Variants in SGCZ observed in about 807,000 individuals in gnomAD.
SGCZ encodes the protein zeta-sarcoglycan.
A neutral mutation model predicts 41.3 loss-of-function variants in SGCZ; 40 were observed. The observed-to-expected ratio is 0.97, with a 90% confidence interval of 0.75 to 1.26. The LOEUF (loss-of-function observed/expected upper bound fraction) is 1.26, where lower values mean the gene tolerates loss of function less well. Among genes scored for constraint, SGCZ ranks in the 50% most tolerant of loss-of-function variants. The pLI, the probability that SGCZ is intolerant of heterozygous loss-of-function variation, is 0.00. For synonymous variants in SGCZ, 206 were observed against 137.5 expected, an observed-to-expected ratio of 1.50 and a Z score of -3.49; for missense variants, 552 against 369.8, an observed-to-expected ratio of 1.49 and a Z score of -4.04.
intron 3 of SGCZ, among the ~76,000 whole-genome samples, chr8:14,298,833 G>T (rs957927403): frequency 6.6e-6 from 1 of 151,904 alleles, no homozygotes; most frequent in African/African-American, 2.4e-5. Flanking sequence ...GTGTGATTCT[G>T]CAGAAATCAA....
chr8:15,013,389 T>C (rs1802909688), intron 1 of SGCZ, among the ~76,000 whole-genome samples: 1 of 152,200 alleles, frequency 6.6e-6, no homozygotes, highest in Non-Finnish European at 1.5e-5. Context: ...TCCCATGAAT[T>C]GAAGTGGGGT....
chr8:14,173,130 C>A (rs1201973973), intron 4 of SGCZ, among the ~76,000 whole-genome samples: 1 of 151,658 alleles, frequency 6.6e-6, no homozygotes, highest in Non-Finnish European at 1.5e-5. Flanking sequence ...TGAACAGGAG[C>A]AAGCTGATAT....
At chr8:15,227,233 C>G (rs80218229) in intron 1 of SGCZ, among the ~76,000 whole-genome samples, 267 of 152,220 alleles carry the variant, frequency 1.8e-3, no homozygotes, top group African/African-American at 5.6e-3. Context: ...ATACCATAGA[C>G]AAAATCCCAT....
chr8:14,480,495 C>T (rs762989264), intron 2 of SGCZ, among the ~76,000 whole-genome samples: 49 of 152,142 alleles, frequency 3.2e-4, no homozygotes, highest in Non-Finnish European at 6.3e-4. Context: ...ACCAACAGTA[C>T]TTAAATCCAC....
chr8:14,359,207 G>A (rs530344317), intron 2 of SGCZ, among the ~76,000 whole-genome samples: 3 of 152,102 alleles, frequency 2.0e-5, no homozygotes, highest in South Asian at 4.2e-4. Flanking sequence ...AAAAGTCAAG[G>A]ATAAAGAAAG....
chr8:15,100,565 AC>A (rs1426990858), intron 1 of SGCZ, among the ~76,000 whole-genome samples: 4 of 152,174 alleles, frequency 2.6e-5, no homozygotes, highest in Non-Finnish European at 4.4e-5. Flanking sequence ...CCATGAAATC[AC>A]CAGTGGATTA....
intron 5 of SGCZ, among the ~76,000 whole-genome samples, chr8:14,160,018 G>A (rs1372011559): frequency 6.6e-6 from 1 of 152,166 alleles, no homozygotes; most frequent in African/African-American, 2.4e-5. Context: ...AGGACTGATA[G>A]TCTTGGCTTT....
rs567758247 is a variant in SGCZ, at chr8:15,225,479, C to T, written c.39+12106G>A. Among the ~76,000 whole-genome samples, 125 of 152,084 alleles carry T rather than the reference C, an allele frequency of 8.2e-4. 1 individual carries two copies. The Middle Eastern group carries it at 0.027, about 33-fold the overall frequency. ...TAGTCGTTCATTGAAGTTATGGTAC[C>T]GTGTTTGAGTGTGTGTATCTGTATG... is the stretch of plus-strand genomic sequence containing the variant. On this transcript the variant is annotated intron_variant, in intron 1 of 7. Transcript: ENST00000382080.
chr8:14,607,596 A>G (rs533622244), intron 1 of SGCZ, among the ~76,000 whole-genome samples: 1 of 152,296 alleles, frequency 6.6e-6, no homozygotes, highest in South Asian at 2.1e-4. Context: ...CAAATTGACA[A>G]CAATTTCAAT....
At chr8:14,570,804 AAGC>A (rs1288192206) in intron 1 of SGCZ, among the ~76,000 whole-genome samples, 1 of 152,180 alleles carries the variant, frequency 6.6e-6, no homozygotes, top group Non-Finnish European at 1.5e-5. Context: ...TTATTTCCAT[AAGC>A]TTTTAAAGAG....
At chr8:14,099,371 T>C (rs1207304526) in intron 7 of SGCZ, among the ~76,000 whole-genome samples, 3 of 152,188 alleles carry the variant, frequency 2.0e-5, no homozygotes, top group Non-Finnish European at 4.4e-5. Context: ...GTCTTTCCTC[T>C]ACCAAGAATT....
chr8:14,758,419 G>T (rs555508358), intron 1 of SGCZ, among the ~76,000 whole-genome samples: 2 of 151,498 alleles, frequency 1.3e-5, no homozygotes, highest in African/African-American at 4.8e-5. Flanking sequence ...TAATTTCATC[G>T]TTCTTCCCTC....
chr8:15,225,144 C>T (rs977268399), intron 1 of SGCZ, among the ~76,000 whole-genome samples: 2 of 152,218 alleles, frequency 1.3e-5, no homozygotes, highest in African/African-American at 4.8e-5. Flanking sequence ...ACACTCTTTT[C>T]AAGGAAACTC....
intron 1 of SGCZ, among the ~76,000 whole-genome samples, chr8:15,058,415 G>A (rs1295453788): frequency 4.6e-5 from 7 of 152,120 alleles, no homozygotes; most frequent in Admixed American, 2.0e-4. Context: ...ATCTTTTGTC[G>A]GTCAAACCAA....
At chr8:15,129,952 A>G (rs1198669990) in intron 1 of SGCZ, among the ~76,000 whole-genome samples, 1 of 152,070 alleles carries the variant, frequency 6.6e-6, no homozygotes, top group Non-Finnish European at 1.5e-5. Flanking sequence ...ATACATATGT[A>G]TATATTTAGT....
At chr8:14,615,372 G>T (rs1585127133) in intron 1 of SGCZ, among the ~76,000 whole-genome samples, 1 of 152,314 alleles carries the variant, frequency 6.6e-6, no homozygotes, top group East Asian at 1.9e-4. Flanking sequence ...TTTCTCTTCT[G>T]TGCTCCTGTA....
At chr8:15,032,703 G>A (rs1285655050) in intron 1 of SGCZ, among the ~76,000 whole-genome samples, 1 of 152,022 alleles carries the variant, frequency 6.6e-6, no homozygotes, top group Non-Finnish European at 1.5e-5. Flanking sequence ...AGATTCAGAT[G>A]CCTGGCCAAC....
intron 2 of SGCZ, among the ~76,000 whole-genome samples, chr8:14,371,770 T>C (rs910488214): frequency 6.6e-6 from 1 of 152,136 alleles, no homozygotes; most frequent in African/African-American, 2.4e-5. Flanking sequence ...AGGTTTAGGG[T>C]GACAAATAAA....
chr8:15,121,721 A>C (rs2116951923), intron 1 of SGCZ, among the ~76,000 whole-genome samples: 1 of 152,308 alleles, frequency 6.6e-6, no homozygotes, highest in Admixed American at 6.5e-5. Flanking sequence ...CCTGAACCAC[A>C]GGAGGCTGGC....
Sources: gnomAD v4.1 joint callset for allele counts (sites outside exome capture counted in the v4.1 genomes callset) on GRCh38, gnomAD v4.1.1 for gene constraint, MANE v1.5 for transcripts, NCBI Gene and HGNC (gene_info 2026-07-23, HGNC 2026-07-21) for gene names.